SKIL: variants seen among roughly 807,000 people sequenced by gnomAD.
SKIL encodes the protein SKI like proto-oncogene.
A neutral mutation model predicts 69.6 loss-of-function variants in SKIL; 20 were observed. The ratio of observed to expected loss-of-function variants is 0.29; its 90% CI spans 0.20 to 0.42. SKIL has a LOEUF of 0.42. Among genes scored for constraint, SKIL ranks in the 10% least tolerant of loss-of-function variants. SKIL has a pLI of 1.00. For missense variants in SKIL, 745 were observed against 783.1 expected, an observed-to-expected ratio of 0.95 and a Z score of 0.58; for synonymous variants, 310 against 279.9, an observed-to-expected ratio of 1.11 and a Z score of -1.08.
In SKIL at chr3:170,360,219, T is replaced by G; in HGVS notation, c.-113T>G. On this transcript the variant is annotated 5_prime_UTR_variant, in exon 2 of 7. Coordinates refer to ENST00000259119, the MANE Select transcript of SKIL (RefSeq NM_005414.5). Reference sequence around the variant, plus strand: ...TTAAGGGGCTCTCGCTTTGAAAGTTTGAGAGTAAGTTACGATAGGCATTTG... The same window carrying G: ...TTAAGGGGCTCTCGCTTTGAAAGTTGGAGAGTAAGTTACGATAGGCATTTG... 5.6e-6 allele frequency: 6 copies of G among 1,070,278 alleles called. No homozygotes were observed. The South Asian group carries it at 1.1e-4, about 20-fold the overall frequency. 66.3% of individuals were successfully genotyped at this position (1,070,278 alleles called of 1,614,324 possible). A position where few individuals can be genotyped will look rare whatever the true frequency, so the allele number is the denominator to read the frequency against.
chr3:170,370,931 G>A (rs751511609), intron 2 of SKIL, among the ~76,000 whole-genome samples: 65 of 151,924 alleles, frequency 4.3e-4, no homozygotes, highest in Non-Finnish European at 8.5e-4. Flanking sequence ...GGGCAACAGA[G>A]CAAGACCCTG....
Position 170,360,655 on chromosome 3 carries a change from T to A in SKIL, c.324T>A (p.Ser108=). The change falls in exon 2 of 7, where the codon TCT becomes TCA. Residue 108 remains serine, a synonymous_variant. Coordinates refer to ENST00000259119, the MANE Select transcript of SKIL (RefSeq NM_005414.5). The stretch of plus-strand genomic sequence containing the variant: ...CGCTGGGTGGACCAGCAGCATTTTC[T>A]GCTCGGCATTCCCAAGAAAGCATGT... ...QSSLGGPAAF[S]ARHSQESMSP... is the part of the protein sequence containing the mutation. 6.2e-7 allele frequency: 1 copy of A among 1,614,234 alleles called. No individual in the cohort carries two copies. The highest frequency in any genetic ancestry group is 8.5e-7 in the Non-Finnish European group (1 of 1,180,042).
intron 2 of SKIL, among the ~76,000 whole-genome samples, chr3:170,373,753 T>G (rs1376733801): frequency 1.3e-5 from 2 of 152,124 alleles, no homozygotes; most frequent in Non-Finnish European, 2.9e-5. Context: ...TAGTCAGGCT[T>G]GGTGGCATGG....
In SKIL at chr3:170,394,115, A is replaced by ATTTTTTTTTTTT. The variant is rs559327626; in HGVS notation, c.*1718_*1729dup. On this transcript the variant is annotated 3_prime_UTR_variant, in exon 7 of 7. Transcript: ENST00000259119. The stretch of plus-strand genomic sequence containing the variant: ...ATATTAAAATGACATGTAGAAACAA[A>ATTTTTTTTTTTT]TTTTTTTTTTTTTTTTTTTTTTTTT... 8.1e-5 allele frequency: 6 copies of ATTTTTTTTTTTT among 74,366 alleles called. 1 individual carries two copies. Among genetic ancestry groups the ATTTTTTTTTTTT allele is most frequent in the African/African-American group, 3.1e-4 (6 of 19,336 alleles). 4.6% of individuals were successfully genotyped at this position (74,366 alleles called of 1,614,324 possible).
intron 2 of SKIL, among the ~76,000 whole-genome samples, chr3:170,380,549 CAG>C (rs1261267701): frequency 1.3e-5 from 2 of 151,700 alleles, no homozygotes; most frequent in South Asian, 4.2e-4. Flanking sequence ...GATACTGAAG[CAG>C]AGAATCGCTT....
At chr3:170,387,933 CAAAAAA>C (rs541166783) in intron 4 of SKIL, among the ~76,000 whole-genome samples, 2 of 51,088 alleles carry the variant, frequency 3.9e-5, no homozygotes, top group African/African-American at 8.0e-5. Flanking sequence ...GACTCCGTCT[CAAAAAA>C]AAAAAAAAAA....
chr3:170,371,461 C>A (rs908280464), intron 2 of SKIL, among the ~76,000 whole-genome samples: 1 of 152,090 alleles, frequency 6.6e-6, no homozygotes, highest in Admixed American at 6.5e-5. Context: ...GAGCGGAGAT[C>A]GTGCTACTGC....
intron 3 of SKIL, 105 bp from the exon 4 acceptor site, chr3:170,384,428 G>C: frequency 1.7e-6 from 1 of 572,992 alleles, no homozygotes; most frequent in Non-Finnish European, 3.1e-6. Flanking sequence ...GTCTGTTTTG[G>C]TTAGAAAAAA....
At chr3:170,363,170 T>C (rs1736329671) in intron 2 of SKIL, among the ~76,000 whole-genome samples, 1 of 152,190 alleles carries the variant, frequency 6.6e-6, no homozygotes, top group African/African-American at 2.4e-5. Context: ...CCTTGAAATA[T>C]CCTTGCCCAT....
intron 4 of SKIL, among the ~76,000 whole-genome samples, chr3:170,387,777 C>G (rs1174155423): frequency 4.8e-5 from 2 of 41,348 alleles, no homozygotes; most frequent in Non-Finnish European, 1.1e-4. Context: ...AAAAAAAATA[C>G]AAAAAAATTA....
chr3:170,393,901 AT>A lies in SKIL; in HGVS notation c.*1487del, dbSNP rs1577453180. The A allele has an allele frequency of 6.6e-6, 1 of 152,238 alleles. No individual in the cohort carries two copies. Among genetic ancestry groups the A allele is most frequent in the East Asian group, 1.9e-4 (1 of 5,190 alleles). 9.4% of individuals were successfully genotyped at this position (152,238 alleles called of 1,614,324 possible). ...GTGTAGAAAGAATCACTAGGTTGTC[AT>A]TTAACCAGTTATTTTCATATTTTGC... On this transcript the variant is annotated 3_prime_UTR_variant, in exon 7 of 7. Coordinates refer to ENST00000259119, the MANE Select transcript of SKIL (RefSeq NM_005414.5).
intron 2 of SKIL, among the ~76,000 whole-genome samples, chr3:170,379,977 A>G (rs771741089): frequency 6.6e-6 from 1 of 152,056 alleles, no homozygotes; most frequent in African/African-American, 2.4e-5. Flanking sequence ...TTGTTTTCTC[A>G]TCTGTAAAAT....
intron 3 of SKIL, among the ~76,000 whole-genome samples, chr3:170,382,342 A>C (rs995936076): frequency 3.3e-5 from 5 of 151,644 alleles, no homozygotes; most frequent in African/African-American, 1.2e-4. Flanking sequence ...AAAAAATGGA[A>C]GTTCTCCTTT....
intron 2 of SKIL, among the ~76,000 whole-genome samples, chr3:170,376,240 G>A (rs868635446): frequency 1.3e-5 from 2 of 151,282 alleles, no homozygotes; most frequent in Admixed American, 6.6e-5. Context: ...TAGAGATGGG[G>A]TTTCACCATT....
At chr3:170,390,966 T>G in intron 5 of SKIL, 70 bp from the exon 6 acceptor site, 2 of 790,970 alleles carry the variant, frequency 2.5e-6, no homozygotes, top group Non-Finnish European at 4.2e-6. Flanking sequence ...TGTGCTATGT[T>G]TTCCAGAACT....
At position 170,393,085 on chromosome 3, in the gene SKIL, T is replaced by C. The variant is rs1300634299; in HGVS notation, c.*668T>C. ...ACAGAAGCAGCAGTTGTAATTTGTT[T>C]TTCAGTTTAAATGTGGTTATAGTTA... is the stretch of plus-strand genomic sequence containing the variant. On this transcript the variant is annotated 3_prime_UTR_variant, in exon 7 of 7. Transcript: ENST00000259119. The C allele has an allele frequency of 1.3e-5, 2 of 152,198 alleles. No individual in the cohort carries two copies. The highest frequency in any genetic ancestry group is 4.8e-5 in the African/African-American group (2 of 41,470). The allele number at this position is 152,198 out of a possible 1,614,324, so 9.4% of individuals were successfully genotyped here.
At position 170,389,963 on chromosome 3, in the gene SKIL, A is replaced by G. The variant is rs142940998; in HGVS notation, c.1430-260A>G. On this transcript the variant is annotated intron_variant, in intron 4 of 6. Coordinates refer to ENST00000259119, the MANE Select transcript of SKIL (RefSeq NM_005414.5). ...TGATAAGTAGATCAATTTGGAGACT[A>G]TTACTGTCTTAACAATATTAAGTCT... Among the ~76,000 whole-genome samples, 537 of 152,312 alleles carry G rather than the reference A, an allele frequency of 3.5e-3. 5 individuals are homozygous for G. The highest frequency in any genetic ancestry group is 0.012 in the African/African-American group (515 of 41,556).
At chr3:170,380,200 G>A (rs1737260556) in intron 2 of SKIL, among the ~76,000 whole-genome samples, 1 of 152,066 alleles carries the variant, frequency 6.6e-6, no homozygotes. Context: ...ATGTGGTTTT[G>A]GATTTAATTT....
Position 170,395,840 on chromosome 3 carries a change from T to C in SKIL, c.*3423T>C, listed in dbSNP as rs924025307. The C allele has an allele frequency of 1.3e-5, 2 of 152,036 alleles. No individual in the cohort carries two copies. Among genetic ancestry groups the C allele is most frequent in the African/African-American group, 4.8e-5 (2 of 41,446 alleles). 9.4% of individuals were successfully genotyped at this position (152,036 alleles called of 1,614,324 possible). A position where few individuals can be genotyped will look rare whatever the true frequency, so the allele number is the denominator to read the frequency against. On this transcript the variant is annotated 3_prime_UTR_variant, in exon 7 of 7. Coordinates refer to ENST00000259119, the MANE Select transcript of SKIL (RefSeq NM_005414.5). ...TTCTGTGCTTGGAACTACTTGTTAA[T>C]AGTTTTTATCGAAGCTGTCAGCAAT...
Sources: gnomAD v4.1 joint callset for allele counts (sites outside exome capture counted in the v4.1 genomes callset) on GRCh38, gnomAD v4.1.1 for gene constraint, MANE v1.5 for transcripts, NCBI Gene and HGNC (gene_info 2026-07-23, HGNC 2026-07-21) for gene names.